TGFBRAP1: variants seen among roughly 807,000 people sequenced by gnomAD.
The protein encoded by TGFBRAP1 is transforming growth factor-beta receptor-associated protein 1.
TGFBRAP1 carries 20 observed loss-of-function variants against 83.2 expected under a neutral mutation model. The observed-to-expected ratio is 0.24, with a 90% CI of 0.17 to 0.35. The LOEUF (loss-of-function observed/expected upper bound fraction) is 0.35. Ranked by LOEUF, TGFBRAP1 falls within the 10% of genes least tolerant of loss-of-function variation. The probability of loss-of-function intolerance (pLI) is 1.00; values close to 1 mark genes in which losing one functional copy is unlikely to be tolerated. For synonymous variants in TGFBRAP1, 415 were observed against 459.8 expected, an observed-to-expected ratio of 0.90 and a Z score of 1.25; for missense variants, 950 against 1,099.4, an observed-to-expected ratio of 0.86 and a Z score of 1.92.
intron 4 of TGFBRAP1, among the ~76,000 whole-genome samples, chr2:105,294,308 GT>G (rs1177702037): frequency 1.1e-3 from 9 of 8,096 alleles, no homozygotes; most frequent in Admixed American, 1.4e-3. Context: ...AGGAGTGAGG[GT>G]GTGTGTGTGT....
chr2:105,271,761 A>G (rs1054016371), intron 10 of TGFBRAP1, among the ~76,000 whole-genome samples: 1 of 152,176 alleles, frequency 6.6e-6, no homozygotes, highest in Non-Finnish European at 1.5e-5. Flanking sequence ...TTACAAAGTC[A>G]TCTACTCGCT....
At chr2:105,311,163 A>G (rs1678678768) in intron 1 of TGFBRAP1, among the ~76,000 whole-genome samples, 1 of 109,644 alleles carries the variant, frequency 9.1e-6, no homozygotes, top group African/African-American at 2.6e-5. Flanking sequence ...AAAAAAAAAC[A>G]AAAAACAAAA....
chr2:105,286,778 T>A (rs979597269), intron 4 of TGFBRAP1, among the ~76,000 whole-genome samples: 6 of 152,198 alleles, frequency 3.9e-5, no homozygotes, highest in Admixed American at 3.9e-4. Context: ...TTATCAGTAT[T>A]ATATTTCTGA....
At chr2:105,299,834 C>T (rs1427617369) in intron 2 of TGFBRAP1, among the ~76,000 whole-genome samples, 1 of 152,014 alleles carries the variant, frequency 6.6e-6, no homozygotes, top group Non-Finnish European at 1.5e-5. Context: ...CAGTAACTGG[C>T]AAAAGAGGAG....
At chr2:105,314,578 A>T (rs929859844) in intron 1 of TGFBRAP1, among the ~76,000 whole-genome samples, 1 of 151,982 alleles carries the variant, frequency 6.6e-6, no homozygotes, top group African/African-American at 2.4e-5. Flanking sequence ...CGGCAGCCCT[A>T]GAAAGTAATA....
intron 4 of TGFBRAP1, 47 bp downstream of exon 4, chr2:105,296,309 T>C: frequency 1.3e-5 from 21 of 1,609,966 alleles, no homozygotes; most frequent in Non-Finnish European, 1.6e-5. Flanking sequence ...GAATGTCCTC[T>C]AACTGGTGAC....
At chr2:105,271,144 C>T (rs1004873137) in intron 10 of TGFBRAP1, among the ~76,000 whole-genome samples, 1 of 152,226 alleles carries the variant, frequency 6.6e-6, no homozygotes, top group African/African-American at 2.4e-5. Context: ...CAAGGCACAG[C>T]TCGTGGGTTC....
Position 105,303,615 on chromosome 2 carries a change from A to G in TGFBRAP1, c.688+3999T>C, listed in dbSNP as rs74906688. 8.1e-3 allele frequency among the ~76,000 whole-genome samples: 1,231 copies of G among 152,334 alleles called. 18 individuals are homozygous for G. Among genetic ancestry groups the G allele is most frequent in the African/African-American group, 0.029 (1,186 of 41,576 alleles). On this transcript the variant is annotated intron_variant, in intron 2 of 11. Coordinates refer to ENST00000393359, the MANE Select transcript of TGFBRAP1 (RefSeq NM_004257.6). ...CAGAAAGCCATTTCTGTAAGACAGA[A>G]GAGATCCCCATATTGAAAACTGAGT...
chr2:105,318,169 T>A lies in TGFBRAP1; in HGVS notation c.-17-9851A>T, dbSNP rs1328143796. Among the ~76,000 whole-genome samples, 3 of 152,280 alleles carry A rather than the reference T, an allele frequency of 2.0e-5. No homozygotes were observed. The East Asian group carries it at 5.8e-4, about 29-fold the overall frequency. On this transcript the variant is annotated intron_variant, in intron 1 of 11. Coordinates refer to ENST00000393359, the MANE Select transcript of TGFBRAP1 (RefSeq NM_004257.6). ...CCAGGGCAAAGAAAGTCCACAGCAA[T>A]CCTGTTTGAGACACAGGAAAACTAG...
chr2:105,321,065 C>T (rs1456352107), intron 1 of TGFBRAP1, among the ~76,000 whole-genome samples: 2 of 152,216 alleles, frequency 1.3e-5, no homozygotes, highest in Non-Finnish European at 2.9e-5. Context: ...CTCTGACTGG[C>T]TGATGGCAGG....
rs1299381249 is a variant in TGFBRAP1 at position 105,265,513 on chromosome 2, C to T, written c.*1870G>A. ...TACTAAGTTTTTTCAAGATTTTACC[C>T]ATTTTGTGTACAGAGAAATAAGCTT... On this transcript the variant is annotated 3_prime_UTR_variant, in exon 12 of 12. Coordinates refer to ENST00000393359, the MANE Select transcript of TGFBRAP1 (RefSeq NM_004257.6). 6.6e-6 allele frequency: 1 copy of T among 152,608 alleles called. No homozygotes were observed. Among genetic ancestry groups the T allele is most frequent in the Non-Finnish European group, 1.5e-5 (1 of 68,050 alleles). 9.5% of individuals were successfully genotyped at this position (152,608 alleles called of 1,614,324 possible).
rs771604901 is a variant in TGFBRAP1 at position 105,307,997 on chromosome 2, A to G, written c.305T>C (p.Val102Ala). ...LVLCDNSISL[V>A]NMLNLEPVPS... ...CACTGGCTCGAGGTTCAGCATGTTG[A>G]CCAGGCTGATGGAGTTGTCACACAG... The change falls in exon 2 of 12, where the codon GTC (valine) becomes GCC (alanine). Residue 102 changes from valine to alanine, a missense_variant. Transcript: ENST00000393359. 1 of 1,614,214 alleles carries G rather than the reference A, an allele frequency of 6.2e-7. No individual in the cohort carries two copies. The highest frequency in any genetic ancestry group is 1.7e-5 in the Admixed American group (1 of 60,026).
intron 4 of TGFBRAP1, among the ~76,000 whole-genome samples, chr2:105,288,633 A>G (rs2104353654): frequency 6.6e-6 from 1 of 152,322 alleles, no homozygotes; most frequent in Non-Finnish European, 1.5e-5. Context: ...TTCTAAACAA[A>G]AATTGGCATG....
chr2:105,285,279 G>A (rs1558636719), intron 4 of TGFBRAP1, among the ~76,000 whole-genome samples: 1 of 152,150 alleles, frequency 6.6e-6, no homozygotes, highest in Non-Finnish European at 1.5e-5. Flanking sequence ...GTGAAGGCAC[G>A]GCAAATACAT....
At chr2:105,300,108 T>C (rs1368805594) in intron 2 of TGFBRAP1, among the ~76,000 whole-genome samples, 1 of 152,168 alleles carries the variant, frequency 6.6e-6, no homozygotes, top group African/African-American at 2.4e-5. Flanking sequence ...GAGGGAACCA[T>C]GTGTGGTGAA....
chr2:105,274,766 T>C (rs998968180), intron 8 of TGFBRAP1, among the ~76,000 whole-genome samples: 1 of 152,214 alleles, frequency 6.6e-6, no homozygotes, highest in Non-Finnish European at 1.5e-5. Flanking sequence ...CCACGGAGGA[T>C]ATGAGAATAT....
chr2:105,254,059 T>A, the TGFBRAP1 span, among the ~76,000 whole-genome samples: 2 of 144,388 alleles, frequency 1.4e-5, no homozygotes, highest in Non-Finnish European at 3.0e-5. Flanking sequence ...ATATTCAAGG[T>A]TTTTTTTTTT....
chr2:105,296,404 CA>C lies in TGFBRAP1; in HGVS notation c.989del (p.Leu330TrpfsTer3). 6.2e-7 allele frequency: 1 copy of C among 1,614,016 alleles called. No homozygotes were observed. The highest frequency in any genetic ancestry group is 1.1e-5 in the South Asian group (1 of 91,056). ...LLASRRVEEA[L>X]VLAKGARRNI... ...TCCTCCGGGCTCCTTTTGCTAAAAC[CA>C]AAGCCTCTTCTACTCTGCGGCTTGC... On this transcript the variant is annotated frameshift_variant, in exon 4 of 12. Coordinates refer to ENST00000393359, the MANE Select transcript of TGFBRAP1 (RefSeq NM_004257.6). LOFTEE classifies it high-confidence loss of function.
chr2:105,251,599 A>G, the TGFBRAP1 span, among the ~76,000 whole-genome samples: 1 of 150,366 alleles, frequency 6.7e-6, no homozygotes, highest in Non-Finnish European at 1.5e-5. Context: ...CCTACTGGGA[A>G]GTGAGGAGCC....
Sources: allele counts gnomAD v4.1 joint callset (sites outside exome capture counted in the v4.1 genomes callset), GRCh38; gene constraint gnomAD v4.1.1; transcripts MANE v1.5; gene names NCBI Gene and HGNC (gene_info 2026-07-23, HGNC 2026-07-21).